Variants in RGS3 observed in about 807,000 individuals in gnomAD.
RGS3 encodes the protein regulator of G-protein signalling 3.
In RGS3, 80 loss-of-function variants were observed where a neutral mutation model predicts 132.6. The ratio of observed to expected loss-of-function variants is 0.60; its 90% CI spans 0.50 to 0.73. The LOEUF (loss-of-function observed/expected upper bound fraction) is 0.73. Among genes scored for constraint, RGS3 ranks in the 30% least tolerant of loss-of-function variants. RGS3 has a pLI of 0.00. For missense variants in RGS3, 1,382 were observed against 1,530.8 expected, an observed-to-expected ratio of 0.90 and a Z score of 1.62; for synonymous variants, 598 against 620.6, an observed-to-expected ratio of 0.96 and a Z score of 0.54.
intron 7 of RGS3, among the ~76,000 whole-genome samples, chr9:113,490,124 T>C (rs921806305): frequency 1.3e-5 from 2 of 152,240 alleles, no homozygotes; most frequent in African/African-American, 4.8e-5. Flanking sequence ...TTCCCTGCGC[T>C]GAGCCTCAAT....
At chr9:113,597,195 G>A (rs1379762157) in exon 25 of RGS3, 2 of 440,314 alleles carry the variant, frequency 4.5e-6, no homozygotes, top group Admixed American at 4.1e-5. Context: ...ACCCTGGCAG[G>A]TCAGGGGCCC....
chr9:113,454,866 G>T (rs933615451), intron 1 of RGS3, among the ~76,000 whole-genome samples: 4 of 152,210 alleles, frequency 2.6e-5, no homozygotes, highest in East Asian at 1.9e-4. Context: ...GAGCTTTAAA[G>T]ATTGTTCCCT....
chr9:113,550,003 A>G (rs1185807413), intron 19 of RGS3, among the ~76,000 whole-genome samples: 1 of 152,206 alleles, frequency 6.6e-6, no homozygotes. Flanking sequence ...TGAATGAAAA[A>G]AAAATCCTCT....
intron 1 of RGS3, among the ~76,000 whole-genome samples, chr9:113,447,347 A>ATATATATATATATATATATATATATC (rs1829135099): frequency 9.2e-6 from 1 of 108,116 alleles, no homozygotes; most frequent in Non-Finnish European, 2.0e-5. Flanking sequence ...ATATATATAT[A>ATATATATATATATATATATATATATC]TATATATATA....
chr9:113,548,680 C>T (rs754793868), intron 19 of RGS3, among the ~76,000 whole-genome samples: 5 of 152,210 alleles, frequency 3.3e-5, no homozygotes, highest in Non-Finnish European at 7.3e-5. Flanking sequence ...CCTCACACCC[C>T]CTCCTCATAC....
At position 113,483,003 on chromosome 9, in the gene RGS3, C is replaced by CTG. The variant is rs368227112; in HGVS notation, c.467-44_467-43dup. 9.4e-5 allele frequency: 151 copies of CTG among 1,601,664 alleles called. 2 individuals carry two copies. The South Asian group carries it at 1.2e-3, about 13-fold the overall frequency. ...TGTCTATGTGTGTCTCTCTTTCTCG[C>CTG]TGTGTGTGTGTGTATGTTTCCATTC... On this transcript the variant is annotated intron_variant, in intron 4 of 24. Coordinates refer to ENST00000350696, the Ensembl canonical transcript of RGS3.
Position 113,506,728 on chromosome 9 carries a change from G to C in RGS3, c.1085+235G>C, listed in dbSNP as rs1285326560. ...AGCAGGGAAGATGCTCTCAGACTCT[G>C]TGGTTCAGGACGGGGCACCAGGAGG... is the stretch of plus-strand genomic sequence containing the variant. On this transcript the variant is annotated intron_variant, in intron 12 of 24. Coordinates refer to ENST00000350696, the Ensembl canonical transcript of RGS3. The surrounding 1 kb of genome is among the most constrained non-coding windows in gnomAD (Gnocchi z 4.7). 6.6e-6 allele frequency among the ~76,000 whole-genome samples: 1 copy of C among 152,214 alleles called. No homozygotes were observed. The highest frequency in any genetic ancestry group is 1.5e-5 in the Non-Finnish European group (1 of 68,036).
chr9:113,446,597 A>G (rs2119132825), intron 1 of RGS3, among the ~76,000 whole-genome samples: 1 of 152,336 alleles, frequency 6.6e-6, no homozygotes, highest in African/African-American at 2.4e-5. Flanking sequence ...AAATTTACAT[A>G]TGTAAATTTA....
At chr9:113,595,169 C>A in intron 23 of RGS3, 189 bp downstream of exon 21, 1 of 612,368 alleles carries the variant, frequency 1.6e-6, no homozygotes, top group Non-Finnish European at 2.9e-6. Flanking sequence ...CAGCTTCTGC[C>A]AGCCCCTCCC....
chr9:113,513,697 T>C (rs1451107666), intron 14 of RGS3, among the ~76,000 whole-genome samples: 1 of 152,222 alleles, frequency 6.6e-6, no homozygotes, highest in African/African-American at 2.4e-5. Flanking sequence ...CTCACTGAGC[T>C]GGTAAGCAGG....
chr9:113,464,011 C>A, intron 3 of RGS3, 130 bp downstream of exon 1: 1 of 927,582 alleles, frequency 1.1e-6, no homozygotes, highest in Non-Finnish European at 1.6e-6. Flanking sequence ...CCTTCTCTGG[C>A]CCCTTTCTCC....
chr9:113,453,041 T>A (rs942450325), intron 1 of RGS3, among the ~76,000 whole-genome samples: 1 of 133,170 alleles, frequency 7.5e-6, no homozygotes, highest in Non-Finnish European at 1.5e-5. Flanking sequence ...ATAATATATA[T>A]AATATATAAT....
chr9:113,507,227 C>G lies in RGS3; in HGVS notation c.1086-60C>G. The stretch of plus-strand genomic sequence containing the variant: ...ATCCTCTCTGCCCTGTGGGCCCTCA[C>G]TCTGGCTGATACTGGCTTTCCCCAG... On this transcript the variant is annotated intron_variant, in intron 12 of 24. Transcript: ENST00000350696. The surrounding 1 kb of genome is among the most constrained non-coding windows in gnomAD (Gnocchi z 5.0). 7.1e-7 allele frequency: 1 copy of G among 1,414,606 alleles called. No individual in the cohort carries two copies. The highest frequency in any genetic ancestry group is 9.7e-7 in the Non-Finnish European group (1 of 1,031,560). 87.6% of individuals were successfully genotyped at this position (1,414,606 alleles called of 1,614,324 possible). A position where few individuals can be genotyped will look rare whatever the true frequency, so the allele number is the denominator to read the frequency against.
chr9:113,515,826 C>CT (rs1831629334), intron 15 of RGS3, among the ~76,000 whole-genome samples: 1 of 152,118 alleles, frequency 6.6e-6, no homozygotes, highest in Non-Finnish European at 1.5e-5. Flanking sequence ...ACTAAATGCT[C>CT]TGTGTTTTAC....
intron 7 of RGS3, among the ~76,000 whole-genome samples, chr9:113,492,903 G>A (rs1226653297): frequency 6.6e-6 from 1 of 152,194 alleles, no homozygotes; most frequent in African/African-American, 2.4e-5. Flanking sequence ...ACTCGAGGGA[G>A]GCTATTAACC....
rs1835024777 is a variant in RGS3 at position 113,584,532 on chromosome 9, T to C, written c.3015+105T>C. On this transcript the variant is annotated intron_variant, in intron 20 of 24. Transcript: ENST00000350696. ...TCACCATGTTCCACCCCCACTATCC[T>C]GGCAGCCTCCCAGCGAACTTTCCAC... 7 of 1,279,080 alleles carry C rather than the reference T, an allele frequency of 5.5e-6. No homozygotes were observed. In the East Asian group the frequency reaches 1.5e-4, roughly 28 times the overall value. The allele number at this position is 1,279,080 out of a possible 1,614,324, so 79.2% of individuals were successfully genotyped here.
At chr9:113,482,281 G>A (rs562494431) in intron 4 of RGS3, among the ~76,000 whole-genome samples, 1 of 151,896 alleles carries the variant, frequency 6.6e-6, no homozygotes, top group Admixed American at 6.6e-5. Flanking sequence ...TTACTTATTT[G>A]CCAGGCACTC....
chr9:113,498,767 A>T (rs550982281), intron 10 of RGS3, among the ~76,000 whole-genome samples: 2 of 151,644 alleles, frequency 1.3e-5, no homozygotes, highest in Admixed American at 1.3e-4. Flanking sequence ...ATACAAAAAA[A>T]TTAACTAGAC....
At chr9:113,564,086 A>AG (rs1435603437) in intron 19 of RGS3, among the ~76,000 whole-genome samples, 2 of 152,224 alleles carry the variant, frequency 1.3e-5, no homozygotes, top group African/African-American at 4.8e-5. Flanking sequence ...TGTCAACATC[A>AG]TGACAAACTG....
Sources: gnomAD v4.1 joint callset for allele counts (sites outside exome capture counted in the v4.1 genomes callset) on GRCh38, gnomAD v4.1.1 for gene constraint, Gnocchi (gnomAD v3.1) non-coding constraint, MANE v1.5 for transcripts, NCBI Gene and HGNC (gene_info 2026-07-23, HGNC 2026-07-21) for gene names.